The following ABCA8 variants were observed in gnomAD, a reference collection of about 807,000 sequenced individuals.
The protein encoded by ABCA8 is ABC-type organic anion transporter ABCA8.
In ABCA8, 177 loss-of-function variants were observed where a neutral mutation model predicts 192.3. The observed-to-expected ratio is 0.92, with a 90% CI of 0.81 to 1.04. The LOEUF (loss-of-function observed/expected upper bound fraction) is 1.04. Among genes scored for constraint, ABCA8 ranks in the 50% least tolerant of loss-of-function variants. ABCA8 has a pLI of 0.00. For synonymous variants in ABCA8, 642 were observed against 690.2 expected, an observed-to-expected ratio of 0.93 and a Z score of 1.09; for missense variants, 1,915 against 1,904.8, an observed-to-expected ratio of 1.01 and a Z score of -0.10.
chr17:68,890,271 C>T (rs35241984), intron 24 of ABCA8, among the ~76,000 whole-genome samples: 61,971 of 151,888 alleles, frequency 0.41, 13,178 homozygotes, highest in East Asian at 0.56. Context: ...AGCTATCTCA[C>T]TGAGGCTATC....
chr17:68,868,320 G>A lies in ABCA8; in HGVS notation c.4748C>T (p.Ser1583Leu), dbSNP rs1229877812. Residue 1583 changes from serine to leucine, a missense_variant, in exon 39 of 40, where the codon TCA (serine) becomes TTA (leucine). Physicochemically the swap from Ser to Leu is moderately radical, Grantham distance 145. Coordinates refer to ENST00000586539, the MANE Select transcript of ABCA8 (RefSeq NM_001288985.2). ...ACCCACCTGCTCCAGGGTAGACTGT[G>A]AGAGGCTGTACTCCTCTAGGTCAAA... ...QSFDLEEYSL[S>L]QSTLEQVFLE... 1 of 1,613,636 alleles carries A rather than the reference G, an allele frequency of 6.2e-7. No individual in the cohort carries two copies. The highest frequency in any genetic ancestry group is 1.3e-5 in the African/African-American group (1 of 74,890).
At chr17:68,954,049 A>G (rs545508646) in intron 1 of ABCA8, among the ~76,000 whole-genome samples, 16 of 149,112 alleles carry the variant, frequency 1.1e-4, no homozygotes, top group African/African-American at 3.5e-4. Context: ...TCGTTTTATT[A>G]TTATACTTTA....
chr17:68,875,445 C>T (rs988961825), intron 36 of ABCA8, 45 bp from the exon 37 acceptor site: 24 of 1,610,554 alleles, frequency 1.5e-5, no homozygotes, highest in East Asian at 8.9e-5. Context: ...AAAAACCATT[C>T]AGTATGTTGT....
chr17:68,932,294 G>A lies in ABCA8; in HGVS notation c.791C>T (p.Ala264Val), dbSNP rs757222766. The A allele has an allele frequency of 8.7e-6, 14 of 1,609,668 alleles. No homozygotes were observed. The South Asian group carries it at 1.4e-4, about 16-fold the overall frequency. Reference protein sequence around the residue: ...LMTMMGLRDSAFWLSWGLLYA... With the variant: ...LMTMMGLRDSVFWLSWGLLYA... Reference sequence around the variant, plus strand: ...TGTGCTGCGTTTGACTCACCAGAACGCTGAATCCCGAAGACCCATCATTGT... The same window carrying A: ...TGTGCTGCGTTTGACTCACCAGAACACTGAATCCCGAAGACCCATCATTGT... Residue 264 changes from alanine (A) to valine (V), a missense_variant, in exon 7 of 40, where the codon GCG becomes GTG. Ala to Val is a moderately conservative substitution (Grantham distance 64). Transcript: ENST00000586539.
chr17:68,881,014 A>T, intron 32 of ABCA8, 106 bp downstream of exon 32: 1 of 773,624 alleles, frequency 1.3e-6, no homozygotes, highest in Admixed American at 2.2e-5. Context: ...TTCATTAATC[A>T]CTTCAGTTAT....
intron 28 of ABCA8, 21 bp downstream of exon 28, chr17:68,884,310 T>A (rs1483928053): frequency 1.3e-6 from 2 of 1,535,076 alleles, no homozygotes; most frequent in Non-Finnish European, 1.7e-6. Flanking sequence ...TGATAATTTT[T>A]AAAGAACAGT....
At chr17:68,945,512 A>C (rs976161948) in intron 2 of ABCA8, among the ~76,000 whole-genome samples, 2 of 152,162 alleles carry the variant, frequency 1.3e-5, no homozygotes, top group Non-Finnish European at 2.9e-5. Context: ...TCCTGTTTAG[A>C]AAGCACTTTC....
At position 68,894,859 on chromosome 17, in the gene ABCA8, GATTATT is replaced by G; in HGVS notation, c.2898+15_2898+20del. The G allele has an allele frequency of 5.6e-6, 9 of 1,601,124 alleles. No homozygotes were observed. The highest frequency in any genetic ancestry group is 7.7e-6 in the Non-Finnish European group (9 of 1,175,480). The stretch of plus-strand genomic sequence containing the variant: ...GTTAGCTTTTCACATTTTTCAGAAA[GATTATT>G]AGAGACCTGCATACCTTTTCATTAC... On this transcript the variant is annotated intron_variant, in intron 22 of 39. Coordinates refer to ENST00000586539, the MANE Select transcript of ABCA8 (RefSeq NM_001288985.2).
At chr17:68,902,300 T>C (rs2066936252) in intron 21 of ABCA8, among the ~76,000 whole-genome samples, 1 of 152,178 alleles carries the variant, frequency 6.6e-6, no homozygotes. Flanking sequence ...AGGGACGACA[T>C]GGGAGTAATT....
intron 37 of ABCA8, 104 bp downstream of exon 37, chr17:68,875,146 TCCAACAAATA>T: frequency 7.0e-7 from 1 of 1,428,314 alleles, no homozygotes; most frequent in East Asian, 2.3e-5. Flanking sequence ...TCCTGCAGAA[TCCAACAAATA>T]ATCTCTTTCT....
chr17:68,892,300 CA>C (rs373560292), intron 23 of ABCA8, among the ~76,000 whole-genome samples: 59 of 152,222 alleles, frequency 3.9e-4, no homozygotes, highest in African/African-American at 1.4e-3. Flanking sequence ...ACTTGCTAAC[CA>C]TAGATGGTAA....
chr17:68,887,613 C>T, intron 24 of ABCA8, 107 bp from the exon 25 acceptor site: 1 of 966,688 alleles, frequency 1.0e-6, no homozygotes, highest in Non-Finnish European at 1.5e-6. Flanking sequence ...TAGATTATGT[C>T]TACAAATGTA....
intron 5 of ABCA8, among the ~76,000 whole-genome samples, chr17:68,934,872 A>G (rs937066107): frequency 3.9e-5 from 6 of 152,290 alleles, no homozygotes; most frequent in Non-Finnish European, 7.3e-5. Context: ...GTGATATAAC[A>G]TGTGGTTTCA....
intron 4 of ABCA8, 137 bp downstream of exon 4, chr17:68,940,621 G>A (rs1350597547): frequency 5.4e-6 from 4 of 740,024 alleles, no homozygotes; most frequent in Non-Finnish European, 8.9e-6. Flanking sequence ...TTCCAATAAA[G>A]GGAAGACACA....
chr17:68,898,025 A>G (rs1030101311), intron 21 of ABCA8, among the ~76,000 whole-genome samples: 1 of 152,230 alleles, frequency 6.6e-6, no homozygotes, highest in Non-Finnish European at 1.5e-5. Context: ...GGATGTATGC[A>G]AAGAGATCCA....
chr17:68,876,228 G>A (rs1044815653), intron 35 of ABCA8: 1 of 586,544 alleles, frequency 1.7e-6, no homozygotes, highest in Admixed American at 3.0e-5. Context: ...AAACTCAAGA[G>A]TGAGACCTAT....
intron 13 of ABCA8, among the ~76,000 whole-genome samples, 173 bp downstream of exon 13, chr17:68,921,209 G>C (rs923205696): frequency 3.3e-5 from 5 of 152,146 alleles, no homozygotes; most frequent in African/African-American, 1.2e-4. Context: ...GTGGGGTGGG[G>C]GGAGTGGGGA....
At position 68,903,312 on chromosome 17, in the gene ABCA8, AG is replaced by A; in HGVS notation, c.2585del (p.Ala862ValfsTer3). The A allele has an allele frequency of 6.2e-7, 1 of 1,614,148 alleles. No individual in the cohort carries two copies. Among genetic ancestry groups the A allele is most frequent in the Non-Finnish European group, 8.5e-7 (1 of 1,180,022 alleles). Reference sequence around the variant, plus strand: ...ACTCTGATACTTACAGTGCTAAAAGAGCTTTTCTTTCATGCTTTAACTTTAA... The same window carrying A: ...ACTCTGATACTTACAGTGCTAAAAGACTTTTCTTTCATGCTTTAACTTTAA... ...RLLKLKHERK[A>X]LLALLLILMA... On this transcript the variant is annotated frameshift_variant, in exon 20 of 40. Coordinates refer to ENST00000586539, the MANE Select transcript of ABCA8 (RefSeq NM_001288985.2). LOFTEE classifies it high-confidence loss of function.
rs111715395 is a variant in ABCA8 at position 68,936,767 on chromosome 17, A to G, written c.466+184T>C. 6.2e-3 allele frequency among the ~76,000 whole-genome samples: 947 copies of G among 152,186 alleles called. 9 individuals carry two copies. Among genetic ancestry groups the G allele is most frequent in the African/African-American group, 0.021 (889 of 41,524 alleles). On this transcript the variant is annotated intron_variant, in intron 5 of 39. Coordinates refer to ENST00000586539, the MANE Select transcript of ABCA8 (RefSeq NM_001288985.2). ...TAAATGTATGTAGATAACTATATATAATGACCACTTATCGATATGTTCTTA... is the reference window on the plus strand; with the variant it reads ...TAAATGTATGTAGATAACTATATATGATGACCACTTATCGATATGTTCTTA...
Sources: gnomAD v4.1 joint callset for allele counts (sites outside exome capture counted in the v4.1 genomes callset) on GRCh38, gnomAD v4.1.1 for gene constraint, MANE v1.5 for transcripts, NCBI Gene and HGNC (gene_info 2026-07-23, HGNC 2026-07-21) for gene names.